The following IMMP2L variants were observed in gnomAD, a reference collection of about 807,000 sequenced individuals.
IMMP2L encodes the protein inner mitochondrial membrane peptidase subunit 2, also known as mitochondrial inner membrane protease subunit 2.
A neutral mutation model predicts 19.3 loss-of-function variants in IMMP2L; 18 were observed. That is an observed-to-expected ratio of 0.93 (90% CI 0.64 to 1.38). IMMP2L has a LOEUF of 1.38. Among genes scored for constraint, IMMP2L ranks in the 40% most tolerant of loss-of-function variants. The pLI, the probability that IMMP2L is intolerant of heterozygous loss-of-function variation, is 0.00. For synonymous variants in IMMP2L, 76 were observed against 73.0 expected (o/e 1.04, Z -0.21); for missense variants, 233 against 218.2 (o/e 1.07, Z -0.43).
intron 3 of IMMP2L, among the ~76,000 whole-genome samples, chr7:111,464,775 C>A (rs1281864488): frequency 6.6e-6 from 1 of 152,028 alleles, no homozygotes; most frequent in African/African-American, 2.4e-5. Flanking sequence ...AAAAACACAG[C>A]CAACTCTTTT....
At chr7:110,694,251 A>G (rs369722413) in intron 5 of IMMP2L, among the ~76,000 whole-genome samples, 1 of 152,182 alleles carries the variant, frequency 6.6e-6, no homozygotes, top group East Asian at 1.9e-4. Flanking sequence ...ACTAGAATTT[A>G]TTGTTCTGGG....
intron 1 of IMMP2L, among the ~76,000 whole-genome samples, chr7:111,555,267 C>T (rs1791143756): frequency 6.6e-6 from 1 of 152,050 alleles, no homozygotes; most frequent in Non-Finnish European, 1.5e-5. Flanking sequence ...TTACGCACAA[C>T]TGGATTAGGT....
intron 4 of IMMP2L, among the ~76,000 whole-genome samples, chr7:110,938,991 T>C (rs939023348): frequency 6.6e-6 from 1 of 152,114 alleles, no homozygotes; most frequent in African/African-American, 2.4e-5. Context: ...AACATACAAA[T>C]GACAGGCAGA....
chr7:110,916,612 C>G (rs555821940), intron 4 of IMMP2L, among the ~76,000 whole-genome samples: 1 of 152,172 alleles, frequency 6.6e-6, no homozygotes, highest in Non-Finnish European at 1.5e-5. Context: ...TACTTCCTTC[C>G]TCCATCCCCA....
intron 5 of IMMP2L, among the ~76,000 whole-genome samples, chr7:110,782,500 A>C (rs1440449866): frequency 6.6e-6 from 1 of 151,920 alleles, no homozygotes; most frequent in South Asian, 2.1e-4. Context: ...AGGCACCTCT[A>C]TGAACCACAT....
intron 3 of IMMP2L, among the ~76,000 whole-genome samples, chr7:111,388,433 C>T (rs1399012304): frequency 1.3e-5 from 2 of 151,932 alleles, no homozygotes; most frequent in African/African-American, 4.8e-5. Context: ...TCAGTGGGAA[C>T]ATATATTTTT....
chr7:111,493,660 G>A (rs1238685330), intron 2 of IMMP2L, among the ~76,000 whole-genome samples: 91 of 131,700 alleles, frequency 6.9e-4, no homozygotes, highest in East Asian at 2.7e-3. Context: ...AGCGGAGATC[G>A]CGCCACTGCA....
At chr7:111,216,267 G>C (rs192799775) in intron 3 of IMMP2L, among the ~76,000 whole-genome samples, 1 of 152,094 alleles carries the variant, frequency 6.6e-6, no homozygotes, top group Admixed American at 6.5e-5. Context: ...TCCCTGTCAA[G>C]CTGGATAGCA....
chr7:111,427,389 G>T (rs1836187873), intron 3 of IMMP2L, among the ~76,000 whole-genome samples: 1 of 151,632 alleles, frequency 6.6e-6, no homozygotes, highest in Non-Finnish European at 1.5e-5. Context: ...CACTTCTTAG[G>T]ACTGGACAGT....
At position 111,213,432 on chromosome 7, in the gene IMMP2L, G is replaced by A. The variant is rs903544594; in HGVS notation, c.240-249867C>T. 5.3e-5 allele frequency among the ~76,000 whole-genome samples: 8 copies of A among 152,138 alleles called. No individual in the cohort carries two copies. The highest frequency in any genetic ancestry group is 1.4e-4 in the African/African-American group (6 of 41,434). ...ATGAACTGTGGCAGGAGGCAGACGC[G>A]CTCCTGAGTGGAAGGGGGTGGGTCC... is the stretch of plus-strand genomic sequence containing the variant. On this transcript the variant is annotated intron_variant, in intron 3 of 5. Transcript: ENST00000405709. This position sits in a 1 kb window ranked among gnomAD's most constrained non-coding sequence, Gnocchi z 4.8.
intron 3 of IMMP2L, among the ~76,000 whole-genome samples, chr7:111,027,039 G>C (rs2129568034): frequency 6.6e-6 from 1 of 152,146 alleles, no homozygotes; most frequent in Admixed American, 6.5e-5. Flanking sequence ...CTCTCCCACT[G>C]AAAGACATCT....
intron 3 of IMMP2L, among the ~76,000 whole-genome samples, chr7:111,287,463 T>C (rs995337305): frequency 2.6e-5 from 4 of 151,844 alleles, no homozygotes; most frequent in African/African-American, 7.3e-5. Flanking sequence ...AAAGGCACCA[T>C]GGATGGAGGG....
At chr7:111,331,366 A>C (rs1022494625) in intron 3 of IMMP2L, among the ~76,000 whole-genome samples, 3 of 151,962 alleles carry the variant, frequency 2.0e-5, no homozygotes, top group African/African-American at 7.2e-5. Context: ...TGTGAAATCT[A>C]CAATAACCTA....
At chr7:110,861,691 T>A (rs1292477458) in intron 5 of IMMP2L, among the ~76,000 whole-genome samples, 2 of 143,786 alleles carry the variant, frequency 1.4e-5, no homozygotes, top group Non-Finnish European at 2.9e-5. Flanking sequence ...TTTTCATTTT[T>A]CTGAAAATAC....
rs894096739 is a variant in IMMP2L, at chr7:111,213,222, C to T, written c.240-249657G>A. 6.6e-5 allele frequency among the ~76,000 whole-genome samples: 10 copies of T among 152,324 alleles called. No individual in the cohort carries two copies. The East Asian group carries it at 1.7e-3, about 26-fold the overall frequency. On this transcript the variant is annotated intron_variant, in intron 3 of 5. Transcript: ENST00000405709. The surrounding 1 kb of genome is among the most constrained non-coding windows in gnomAD (Gnocchi z 4.8). ...CTTGGAGTGGAGTTGAGGCCTAGCC[C>T]GGGTGCTGTCACAATCAGGCTGAGT... is the stretch of plus-strand genomic sequence containing the variant.
At chr7:111,166,755 G>A (rs762366783) in intron 3 of IMMP2L, among the ~76,000 whole-genome samples, 5 of 151,900 alleles carry the variant, frequency 3.3e-5, no homozygotes, top group Non-Finnish European at 5.9e-5. Context: ...TCTAATTTCT[G>A]GTGGTTCCAG....
Position 110,974,096 on chromosome 7 carries a change from A to G in IMMP2L, c.240-10531T>C, listed in dbSNP as rs78958777. 6.5e-3 allele frequency among the ~76,000 whole-genome samples: 984 copies of G among 152,254 alleles called. 24 individuals are homozygous for G. The East Asian group carries it at 0.077, about 12-fold the overall frequency. ...TACAATTGAGTAAAAATAAGGCCAAAAAGAATTAATGGAAATAATCTTTAA... is the reference window on the plus strand; with the variant it reads ...TACAATTGAGTAAAAATAAGGCCAAGAAGAATTAATGGAAATAATCTTTAA... On this transcript the variant is annotated intron_variant, in intron 3 of 5. Transcript: ENST00000405709.
chr7:110,827,988 C>A (rs2131369972), intron 5 of IMMP2L, among the ~76,000 whole-genome samples: 1 of 152,236 alleles, frequency 6.6e-6, no homozygotes. Context: ...AACAGCCATG[C>A]AGTTTCTTCT....
intron 4 of IMMP2L, among the ~76,000 whole-genome samples, chr7:110,940,143 C>T (rs1816574851): frequency 6.6e-6 from 1 of 151,732 alleles, no homozygotes; most frequent in Non-Finnish European, 1.5e-5. Context: ...ATAGTGAAAC[C>T]CCGTCCCTAC....
Sources: gnomAD v4.1 joint callset for allele counts (sites outside exome capture counted in the v4.1 genomes callset) on GRCh38, gnomAD v4.1.1 for gene constraint, Gnocchi (gnomAD v3.1) non-coding constraint, MANE v1.5 for transcripts, NCBI Gene and HGNC (gene_info 2026-07-23, HGNC 2026-07-21) for gene names.